The following CHST11 variants were observed in gnomAD, a reference collection of about 807,000 sequenced individuals.
The protein encoded by CHST11 is C4S-1.
Under a neutral mutation model 30.4 loss-of-function variants are expected in CHST11, and 9 were observed. The observed-to-expected ratio is 0.30, with a 90% CI of 0.18 to 0.52. CHST11 has a LOEUF of 0.52. Ranked by LOEUF, CHST11 falls within the 20% of genes least tolerant of loss-of-function variation. CHST11 has a pLI of 0.97. For synonymous variants in CHST11, 152 were observed against 187.8 expected, an observed-to-expected ratio of 0.81 and a Z score of 1.56; for missense variants, 348 against 460.6, an observed-to-expected ratio of 0.76 and a Z score of 2.24.
At chr12:104,587,637 A>G (rs557025423) in intron 1 of CHST11, among the ~76,000 whole-genome samples, 5 of 152,212 alleles carry the variant, frequency 3.3e-5, no homozygotes, top group African/African-American at 7.2e-5. Flanking sequence ...GGCTCAAGCA[A>G]TCCACCCGCC....
At chr12:104,576,092 C>G (rs144309680) in intron 1 of CHST11, among the ~76,000 whole-genome samples, 36 of 152,088 alleles carry the variant, frequency 2.4e-4, no homozygotes, top group African/African-American at 8.4e-4. Flanking sequence ...TACAGTATAT[C>G]CATGTCAACT....
intron 1 of CHST11, among the ~76,000 whole-genome samples, chr12:104,504,253 C>G (rs1370491316): frequency 6.6e-6 from 1 of 152,224 alleles, no homozygotes; most frequent in East Asian, 1.9e-4. Flanking sequence ...CCATTTCTCC[C>G]CGACTGCTCA....
At chr12:104,717,053 T>C (rs1160784902) in intron 2 of CHST11, among the ~76,000 whole-genome samples, 2 of 152,208 alleles carry the variant, frequency 1.3e-5, no homozygotes, top group African/African-American at 4.8e-5. Context: ...CTCTTCCACG[T>C]TTAAGGGACC....
At chr12:104,663,087 T>C (rs559086545) in intron 2 of CHST11, among the ~76,000 whole-genome samples, 2 of 152,306 alleles carry the variant, frequency 1.3e-5, no homozygotes, top group South Asian at 4.1e-4. Flanking sequence ...CCCCGAGGGA[T>C]TGGGCCAAAG....
intron 2 of CHST11, among the ~76,000 whole-genome samples, chr12:104,751,491 G>T (rs2040431375): frequency 6.6e-6 from 1 of 152,198 alleles, no homozygotes; most frequent in Non-Finnish European, 1.5e-5. Context: ...AATTGCAAAG[G>T]TCAGAGTTTT....
intron 1 of CHST11, among the ~76,000 whole-genome samples, chr12:104,547,882 C>T (rs1279163154): frequency 6.6e-6 from 1 of 152,164 alleles, no homozygotes; most frequent in African/African-American, 2.4e-5. Context: ...TGAATACAGT[C>T]TTGATCCCCA....
chr12:104,680,089 G>A (rs953471936), intron 2 of CHST11, among the ~76,000 whole-genome samples: 7 of 152,238 alleles, frequency 4.6e-5, no homozygotes, highest in African/African-American at 1.7e-4. Flanking sequence ...GCTGTGTGCA[G>A]GGGTTTTGGG....
chr12:104,568,886 C>G (rs1478474638), intron 1 of CHST11, among the ~76,000 whole-genome samples: 1 of 152,134 alleles, frequency 6.6e-6, no homozygotes, highest in Non-Finnish European at 1.5e-5. Context: ...CATTGGAGAT[C>G]TTTAAAAATA....
At chr12:104,554,130 G>A (rs144691604) in intron 1 of CHST11, among the ~76,000 whole-genome samples, 7 of 152,292 alleles carry the variant, frequency 4.6e-5, no homozygotes, top group African/African-American at 1.4e-4. Flanking sequence ...AATCATGGAA[G>A]CAATATGTCC....
At chr12:104,490,396 C>G (rs2037733487) in intron 1 of CHST11, among the ~76,000 whole-genome samples, 1 of 152,122 alleles carries the variant, frequency 6.6e-6, no homozygotes, top group African/African-American at 2.4e-5. Context: ...GTTTAAGGTT[C>G]TCAGGTATTA....
chr12:104,748,594 C>CGGCTT (rs138778622), intron 2 of CHST11, among the ~76,000 whole-genome samples: 7,574 of 150,970 alleles, frequency 0.05, 311 homozygotes, highest in East Asian at 0.17. Flanking sequence ...GGAGTGGAGT[C>CGGCTT]GGGGGAGAGA....
At chr12:104,580,948 G>T (rs536636513) in intron 1 of CHST11, among the ~76,000 whole-genome samples, 1 of 152,134 alleles carries the variant, frequency 6.6e-6, no homozygotes, top group Admixed American at 6.5e-5. Flanking sequence ...TACACTCATC[G>T]TGAAAAGCAA....
chr12:104,670,104 G>A (rs12422853), intron 2 of CHST11, among the ~76,000 whole-genome samples: 60,428 of 152,106 alleles, frequency 0.4, 12,490 homozygotes, highest in East Asian at 0.57. Context: ...AGAGTCAGAA[G>A]AATCTGGACT....
intron 2 of CHST11, among the ~76,000 whole-genome samples, chr12:104,628,578 A>G (rs981897409): frequency 1.3e-5 from 2 of 152,178 alleles, no homozygotes; most frequent in African/African-American, 4.8e-5. Context: ...GAGGCTCTGC[A>G]TCGGCTCTAA....
chr12:104,624,355 T>G (rs2039190877), intron 2 of CHST11, among the ~76,000 whole-genome samples: 1 of 152,150 alleles, frequency 6.6e-6, no homozygotes, highest in African/African-American at 2.4e-5. Context: ...TACTTAAGAC[T>G]GAATGTGTGG....
chr12:104,703,943 T>A (rs756579162), intron 2 of CHST11, among the ~76,000 whole-genome samples: 1 of 152,250 alleles, frequency 6.6e-6, no homozygotes, highest in Non-Finnish European at 1.5e-5. Context: ...AGTGCCTAGT[T>A]CAATAGCTGG....
rs2039745942 is a variant in CHST11, at chr12:104,676,702, C to G, written c.204+74711C>G. Among the ~76,000 whole-genome samples, 2 of 152,198 alleles carry G rather than the reference C, an allele frequency of 1.3e-5. No individual in the cohort carries two copies. ...ACAGGCATGAGCCACTGCACCCGGCCTCCCTGCCTCCTTTCCTAAGGAAGC... is the reference window on the plus strand; with the variant it reads ...ACAGGCATGAGCCACTGCACCCGGCGTCCCTGCCTCCTTTCCTAAGGAAGC... On this transcript the variant is annotated intron_variant, in intron 2 of 2. Transcript: ENST00000303694. This position sits in a 1 kb window ranked among gnomAD's most constrained non-coding sequence, Gnocchi z 4.4.
At chr12:104,487,459 A>G (rs1565959537) in intron 1 of CHST11, among the ~76,000 whole-genome samples, 1 of 152,190 alleles carries the variant, frequency 6.6e-6, no homozygotes. Context: ...ACAAGGTCTC[A>G]GTATGTTGCC....
chr12:104,605,806 A>G (rs1592790005), intron 2 of CHST11, among the ~76,000 whole-genome samples: 1 of 152,334 alleles, frequency 6.6e-6, no homozygotes. Flanking sequence ...TCAGAGGCAC[A>G]GGGCAGAGCT....
Sources: gnomAD v4.1 joint callset for allele counts (sites outside exome capture counted in the v4.1 genomes callset) on GRCh38, gnomAD v4.1.1 for gene constraint, Gnocchi (gnomAD v3.1) non-coding constraint, MANE v1.5 for transcripts, NCBI Gene and HGNC (gene_info 2026-07-23, HGNC 2026-07-21) for gene names.